Variants in AKAP6 observed in about 807,000 individuals in gnomAD.
AKAP6 encodes A-kinase anchor protein 6.
AKAP6 carries 58 observed loss-of-function variants against 188.5 expected under a neutral mutation model. The observed-to-expected ratio is 0.31, with a 90% CI of 0.25 to 0.38. The LOEUF (loss-of-function observed/expected upper bound fraction) is 0.38, where lower values mean the gene tolerates loss of function less well. AKAP6 is among the 10% of genes least tolerant of loss of function. The pLI is 1.00. For missense variants in AKAP6, 2,710 were observed against 2,740.0 expected, an observed-to-expected ratio of 0.99 and a Z score of 0.24; for synonymous variants, 989 against 998.6, an observed-to-expected ratio of 0.99 and a Z score of 0.18.
At chr14:32,750,607 T>C (rs1291516764) in intron 11 of AKAP6, among the ~76,000 whole-genome samples, 1 of 151,878 alleles carries the variant, frequency 6.6e-6, no homozygotes, top group Non-Finnish European at 1.5e-5. Flanking sequence ...GGTGGGTGCC[T>C]GTAGTCTTAG....
At chr14:32,518,408 G>C (rs1388503661) in intron 2 of AKAP6, among the ~76,000 whole-genome samples, 1 of 152,120 alleles carries the variant, frequency 6.6e-6, no homozygotes, top group East Asian at 1.9e-4. Context: ...AGCTAAAGGA[G>C]GATGTTTGAA....
Position 32,486,604 on chromosome 14 carries a change from T to C in AKAP6, c.325-48950T>C, listed in dbSNP as rs369854918. On this transcript the variant is annotated intron_variant, in intron 2 of 13. Transcript: ENST00000280979. ...TTGTGAATGGGAGTTCACTCATGAT[T>C]TGACTCTCTGTTTGTCTGTTGTTGT... 5.3e-5 allele frequency among the ~76,000 whole-genome samples: 8 copies of C among 152,326 alleles called. No individual in the cohort carries two copies. The East Asian group carries it at 1.4e-3, about 26-fold the overall frequency.
At chr14:32,667,777 A>C (rs1889011553) in intron 7 of AKAP6, among the ~76,000 whole-genome samples, 1 of 152,082 alleles carries the variant, frequency 6.6e-6, no homozygotes, top group African/African-American at 2.4e-5. Flanking sequence ...TTGATAAATA[A>C]ATTGTTATTA....
chr14:32,626,627 G>C (rs933797178), intron 7 of AKAP6, among the ~76,000 whole-genome samples: 1 of 152,034 alleles, frequency 6.6e-6, no homozygotes, highest in African/African-American at 2.4e-5. Context: ...AAGTCAGCAC[G>C]TGTGATGTTT....
chr14:32,761,084 A>G (rs1407456907), intron 11 of AKAP6, among the ~76,000 whole-genome samples: 1 of 152,212 alleles, frequency 6.6e-6, no homozygotes, highest in Non-Finnish European at 1.5e-5. Context: ...AAAATGTACT[A>G]TTTATTTTAG....
intron 2 of AKAP6, among the ~76,000 whole-genome samples, chr14:32,448,524 GT>G (rs1890832436): frequency 6.6e-6 from 1 of 152,184 alleles, no homozygotes. Context: ...TACAAAGAGG[GT>G]AATTTACTTG....
intron 11 of AKAP6, among the ~76,000 whole-genome samples, chr14:32,759,730 C>G (rs1271583055): frequency 6.6e-6 from 1 of 152,060 alleles, no homozygotes; most frequent in African/African-American, 2.4e-5. Context: ...AAAGCAAGAG[C>G]AAGCAAGGGG....
intron 12 of AKAP6, among the ~76,000 whole-genome samples, chr14:32,793,858 C>A (rs2033683533): frequency 1.3e-5 from 2 of 151,950 alleles, no homozygotes; most frequent in Admixed American, 1.3e-4. Context: ...AAAGCAAGTT[C>A]TTGGAGATCT....
intron 10 of AKAP6, chr14:32,733,343 T>G (rs980578314): frequency 6.6e-6 from 1 of 152,096 alleles, no homozygotes; most frequent in South Asian, 2.1e-4. Flanking sequence ...ACTGTATTTT[T>G]TCATCAGCTT....
At chr14:32,774,356 AC>A (rs1183476180) in intron 12 of AKAP6, among the ~76,000 whole-genome samples, 1 of 152,216 alleles carries the variant, frequency 6.6e-6, no homozygotes. Flanking sequence ...TACATTGTTT[AC>A]TTTTCCCTGA....
At position 32,437,340 on chromosome 14, in the gene AKAP6, A is replaced by G. The variant is rs554866017; in HGVS notation, c.324+3523A>G. Among the ~76,000 whole-genome samples the G allele has an allele frequency of 7.3e-4, 111 of 152,294 alleles. 1 individual carries two copies. Among genetic ancestry groups the G allele is most frequent in the African/African-American group, 2.6e-3 (108 of 41,554 alleles). ...AGCACAAAAAAAGAAGCTACTCATTACCTAACTTGTCTACACACTTCATAC... is the reference window on the plus strand; with the variant it reads ...AGCACAAAAAAAGAAGCTACTCATTGCCTAACTTGTCTACACACTTCATAC... On this transcript the variant is annotated intron_variant, in intron 2 of 13. Coordinates refer to ENST00000280979, the MANE Select transcript of AKAP6 (RefSeq NM_004274.5).
intron 2 of AKAP6, among the ~76,000 whole-genome samples, chr14:32,507,330 G>A (rs2139005031): frequency 6.6e-6 from 1 of 152,286 alleles, no homozygotes; most frequent in Middle Eastern, 3.4e-3. Context: ...TCCCCTCAAA[G>A]ACTTTACCAT....
At chr14:32,577,277 T>G (rs756100616) in intron 5 of AKAP6, 35 bp downstream of exon 5, 1 of 1,595,276 alleles carries the variant, frequency 6.3e-7, no homozygotes, top group Non-Finnish European at 8.5e-7. Flanking sequence ...CTGTCAATAA[T>G]CAAAGGATTT....
At chr14:32,573,996 T>A (rs1459089992) in intron 4 of AKAP6, among the ~76,000 whole-genome samples, 1 of 152,156 alleles carries the variant, frequency 6.6e-6, no homozygotes. Flanking sequence ...CTGAGTGAAG[T>A]GGAAAAATAG....
chr14:32,736,041 T>C (rs1164648355), intron 11 of AKAP6, among the ~76,000 whole-genome samples, 159 bp downstream of exon 11: 2 of 152,206 alleles, frequency 1.3e-5, no homozygotes, highest in African/African-American at 4.8e-5. Context: ...CTTATATGTC[T>C]CTATGTGTAT....
At chr14:32,656,966 T>C (rs935606656) in intron 7 of AKAP6, among the ~76,000 whole-genome samples, 1 of 152,152 alleles carries the variant, frequency 6.6e-6, no homozygotes, top group Admixed American at 6.5e-5. Flanking sequence ...TACTGACATA[T>C]GGCAATCCAA....
At chr14:32,779,020 A>G (rs1341797017) in intron 12 of AKAP6, among the ~76,000 whole-genome samples, 1 of 152,148 alleles carries the variant, frequency 6.6e-6, no homozygotes. Context: ...TTAAATGGGA[A>G]TGGACTAAAA....
In AKAP6 at chr14:32,732,617, T is replaced by C; in HGVS notation, c.3147+17T>C. On this transcript the variant is annotated intron_variant, in intron 10 of 13. Coordinates refer to ENST00000280979, the MANE Select transcript of AKAP6 (RefSeq NM_004274.5). ...CTGCTTGGGGTATTTGCATTTTTAT[T>C]ACTGTTTGTAGGTTATGTGTACATT... 1 of 1,612,526 alleles carries C rather than the reference T, an allele frequency of 6.2e-7. No homozygotes were observed. Among genetic ancestry groups the C allele is most frequent in the Non-Finnish European group, 8.5e-7 (1 of 1,179,310 alleles).
intron 9 of AKAP6, among the ~76,000 whole-genome samples, chr14:32,708,487 A>G (rs553607547): frequency 1.6e-4 from 24 of 152,172 alleles, no homozygotes; most frequent in African/African-American, 5.5e-4. Flanking sequence ...TAGCTAATTC[A>G]GAATATGGAA....
Sources: allele counts gnomAD v4.1 joint callset (sites outside exome capture counted in the v4.1 genomes callset), GRCh38; gene constraint gnomAD v4.1.1; transcripts MANE v1.5; gene names NCBI Gene and HGNC (gene_info 2026-07-23, HGNC 2026-07-21).